Variants in CDH23 observed in about 807,000 individuals in gnomAD.
CDH23 encodes the protein cadherin related 23, also known as cadherin-23.
Under a neutral mutation model 317.1 loss-of-function variants are expected in CDH23, and 189 were observed. The observed-to-expected ratio is 0.60, with a 90% CI of 0.53 to 0.67. The LOEUF (loss-of-function observed/expected upper bound fraction) is 0.67. CDH23 is among the 30% of genes least tolerant of loss of function. The probability of loss-of-function intolerance (pLI) is 0.00; values close to 1 mark genes in which losing one functional copy is unlikely to be tolerated. For missense variants in CDH23, 4,401 were observed against 4,592.4 expected, an observed-to-expected ratio of 0.96 and a Z score of 1.20; for synonymous variants, 1,839 against 1,876.8, an observed-to-expected ratio of 0.98 and a Z score of 0.52.
intron 40 of CDH23, 26 bp downstream of exon 40, chr10:71,778,334 C>T: frequency 6.2e-7 from 1 of 1,613,422 alleles, no homozygotes; most frequent in Non-Finnish European, 8.5e-7. Flanking sequence ...ACAGCCCCAA[C>T]TTGGGCTTGG....
chr10:71,759,432 G>A (rs1840238329), intron 38 of CDH23, among the ~76,000 whole-genome samples: 1 of 152,076 alleles, frequency 6.6e-6, no homozygotes, highest in Admixed American at 6.6e-5. Context: ...ACTTGCATCT[G>A]GAAGTTTGAG....
In CDH23 at chr10:71,675,181, G is replaced by A. The variant is rs759180637; in HGVS notation, c.1514+5G>A. ...CTTCAGTGATGACCCTGACAGGTGA[G>A]ACTCTGCCCACAGCCCCTCAGGCCC... On this transcript the variant is annotated splice_donor_5th_base_variant and intron_variant, in intron 15 of 69. Coordinates refer to ENST00000224721, the MANE Select transcript of CDH23 (RefSeq NM_022124.6). The A allele has an allele frequency of 2.4e-5, 38 of 1,613,386 alleles. No individual in the cohort carries two copies. The highest frequency in any genetic ancestry group is 3.1e-5 in the Non-Finnish European group (36 of 1,179,348).
rs191444040 is a variant in CDH23 at position 71,641,973 on chromosome 10, G to T, written c.1135-1888G>T. ...TAGCCGGGCATGGTGGTGTGCACCT[G>T]TAGTCCCAACTACTCGGGAGCCTGA... On this transcript the variant is annotated intron_variant, in intron 11 of 69. Transcript: ENST00000224721. Among the ~76,000 whole-genome samples the T allele has an allele frequency of 3.3e-3, 495 of 152,268 alleles. 2 individuals are homozygous for T. The highest frequency in any genetic ancestry group is 0.012 in the African/African-American group (479 of 41,542).
In CDH23 at chr10:71,556,428, C is replaced by CT. The variant is rs1273645435; in HGVS notation, c.430-10313dup. On this transcript the variant is annotated intron_variant, in intron 6 of 69. Transcript: ENST00000224721. ...CCAGCCTGGCCAACATGGTAAAACCCTGTCTCTACTAAAAATACAAAAATT... is the reference window on the plus strand; with the variant it reads ...CCAGCCTGGCCAACATGGTAAAACCCTTGTCTCTACTAAAAATACAAAAATT... 2.6e-5 allele frequency among the ~76,000 whole-genome samples: 4 copies of CT among 151,990 alleles called. No homozygotes were observed. The East Asian group carries it at 7.7e-4, about 29-fold the overall frequency.
intron 11 of CDH23, among the ~76,000 whole-genome samples, chr10:71,641,414 C>T (rs61633179): frequency 0.034 from 5,161 of 152,298 alleles, 271 homozygotes; most frequent in African/African-American, 0.11. Context: ...GGCTCCGTCT[C>T]GCTCATGGAA....
chr10:71,783,728 G>A (rs1173879150), intron 41 of CDH23, among the ~76,000 whole-genome samples: 2 of 152,156 alleles, frequency 1.3e-5, no homozygotes, highest in Non-Finnish European at 2.9e-5. Context: ...GCTCAATATG[G>A]GGACTAAATA....
intron 15 of CDH23, among the ~76,000 whole-genome samples, chr10:71,675,947 C>T (rs550113659): frequency 7.3e-6 from 1 of 136,438 alleles, no homozygotes; most frequent in South Asian, 2.4e-4. Flanking sequence ...ACTCTGTTGC[C>T]CAGGCTGTAG....
At chr10:71,542,504 C>T (rs1170998229) in intron 6 of CDH23, among the ~76,000 whole-genome samples, 5 of 152,208 alleles carry the variant, frequency 3.3e-5, no homozygotes. Context: ...GGACTCAGGG[C>T]CTGGCCTCCC....
intron 3 of CDH23, among the ~76,000 whole-genome samples, chr10:71,487,896 T>C (rs1444616370): frequency 1.3e-5 from 2 of 152,256 alleles, no homozygotes; most frequent in African/African-American, 4.8e-5. Flanking sequence ...TCTCATTTTT[T>C]GCTTATTAAT....
At chr10:71,516,875 T>C (rs1316326948) in intron 6 of CDH23, among the ~76,000 whole-genome samples, 3 of 152,204 alleles carry the variant, frequency 2.0e-5, no homozygotes, top group Admixed American at 6.5e-5. Context: ...TTAAAGTAAA[T>C]GAGATCACTC....
At chr10:71,745,508 AC>A (rs900823848) in intron 38 of CDH23, among the ~76,000 whole-genome samples, 6 of 151,222 alleles carry the variant, frequency 4.0e-5, no homozygotes, top group African/African-American at 7.3e-5. Context: ...CCTTCTCAAG[AC>A]CCCCCCTCTA....
Position 71,812,625 on chromosome 10 carries a change from T to A in CDH23, c.9510+16T>A, listed in dbSNP as rs2133007390. The A allele has an allele frequency of 6.2e-7, 1 of 1,602,090 alleles. No homozygotes were observed. Among genetic ancestry groups the A allele is most frequent in the Non-Finnish European group, 8.5e-7 (1 of 1,179,344 alleles). On this transcript the variant is annotated intron_variant, in intron 67 of 69. Coordinates refer to ENST00000224721, the MANE Select transcript of CDH23 (RefSeq NM_022124.6). ...GCGCACCCATGTGAGCCAGAGGCGG[T>A]CAGGCATCACAAGGGGCAGGGGTGG...
At chr10:71,669,995 C>T (rs529721655) in intron 14 of CDH23, among the ~76,000 whole-genome samples, 5 of 90,944 alleles carry the variant, frequency 5.5e-5, no homozygotes, top group South Asian at 4.6e-4. Flanking sequence ...AGCGAGACTC[C>T]GTCTCAAAAA....
intron 9 of CDH23, among the ~76,000 whole-genome samples, chr10:71,579,475 CT>C (rs1246120278): frequency 6.6e-6 from 1 of 152,198 alleles, no homozygotes; most frequent in African/African-American, 2.4e-5. Context: ...ATGAATGTCA[CT>C]CTAGGGGAGT....
intron 48 of CDH23, chr10:71,795,994 C>T: frequency 1.0e-6 from 1 of 986,098 alleles, no homozygotes; most frequent in Non-Finnish European, 1.2e-6. Context: ...ATGCAGCCGC[C>T]CTCTCCCCAT....
intron 11 of CDH23, among the ~76,000 whole-genome samples, chr10:71,633,029 C>A (rs924793146): frequency 6.6e-6 from 1 of 152,050 alleles, no homozygotes; most frequent in Admixed American, 6.6e-5. Flanking sequence ...GAGATTACTA[C>A]GTGTGCTCAT....
At chr10:71,759,843 A>G (rs1465519344) in intron 38 of CDH23, among the ~76,000 whole-genome samples, 8 of 37,994 alleles carry the variant, frequency 2.1e-4, no homozygotes, top group African/African-American at 4.6e-4. Flanking sequence ...ACACACACAC[A>G]CACATATACA....
At chr10:71,524,892 G>A (rs772143468) in intron 6 of CDH23, among the ~76,000 whole-genome samples, 10 of 152,144 alleles carry the variant, frequency 6.6e-5, no homozygotes, top group South Asian at 2.1e-4. Context: ...GCAGCCCTGC[G>A]ACACCTGTAT....
chr10:71,812,720 AT>A, intron 67 of CDH23, 47 bp from the exon 68 acceptor site: 1 of 1,612,664 alleles, frequency 6.2e-7, no homozygotes, highest in Non-Finnish European at 8.5e-7. Context: ...TCCCTTGTAC[AT>A]GTGTGTGGGG....
Sources: allele counts gnomAD v4.1 joint callset (sites outside exome capture counted in the v4.1 genomes callset), GRCh38; gene constraint gnomAD v4.1.1; transcripts MANE v1.5; gene names NCBI Gene and HGNC (gene_info 2026-07-23, HGNC 2026-07-21).